The following DPY19L1 variants were observed in gnomAD, a reference collection of about 807,000 sequenced individuals.
DPY19L1 encodes the protein dpy-19 like C-mannosyltransferase 1.
In DPY19L1, 35 loss-of-function variants were observed where a neutral mutation model predicts 96.9. That is an observed-to-expected ratio of 0.36 (90% confidence interval 0.28 to 0.48). The LOEUF (loss-of-function observed/expected upper bound fraction) is 0.48, where lower values mean the gene tolerates loss of function less well. DPY19L1 is among the 20% of genes least tolerant of loss of function. The pLI is 0.99. For missense variants in DPY19L1, 521 were observed against 777.9 expected, an observed-to-expected ratio of 0.67 and a Z score of 3.93; for synonymous variants, 205 against 252.6, an observed-to-expected ratio of 0.81 and a Z score of 1.79.
chr7:35,037,788 C>A, upstream of DPY19L1: 1 of 1,201,760 alleles, frequency 8.3e-7, no homozygotes, highest in Non-Finnish European at 1.0e-6. Flanking sequence ...CAGGCGGGGC[C>A]CGACCCCTCT....
intron 6 of DPY19L1, among the ~76,000 whole-genome samples, chr7:35,003,483 G>C (rs1584249486): frequency 3.9e-5 from 6 of 152,342 alleles, no homozygotes; most frequent in African/African-American, 1.4e-4. Flanking sequence ...GCTGGCATCA[G>C]TTAAAGACAC....
intron 21 of DPY19L1, among the ~76,000 whole-genome samples, chr7:34,935,152 T>G (rs1783840998): frequency 6.6e-6 from 1 of 152,290 alleles, no homozygotes; most frequent in South Asian, 2.1e-4. Context: ...GTTACAACAC[T>G]GAGGGCCCAC....
chr7:35,037,810 A>G (rs1455027853), upstream of DPY19L1: 3 of 1,223,514 alleles, frequency 2.5e-6, no homozygotes, highest in Non-Finnish European at 3.1e-6. Context: ...GCGCCCGGCT[A>G]CCCACACCTC....
At position 34,955,182 on chromosome 7, in the gene DPY19L1, C is replaced by T. The variant is rs559173156; in HGVS notation, c.1239+126G>A. 1.0e-5 allele frequency: 12 copies of T among 1,180,170 alleles called. No individual in the cohort carries two copies. In the East Asian group the frequency reaches 2.6e-4, roughly 25 times the overall value. 73.1% of individuals were successfully genotyped at this position (1,180,170 alleles called of 1,614,324 possible). On this transcript the variant is annotated intron_variant, in intron 12 of 21. Transcript: ENST00000638088. ...CAATTTGGTACATTAAAACTGAGCCCTAAAATACTATAAAACTGTTGGATC... is the reference window on the plus strand; with the variant it reads ...CAATTTGGTACATTAAAACTGAGCCTTAAAATACTATAAAACTGTTGGATC...
intron 4 of DPY19L1, 31 bp from the exon 5 acceptor site, chr7:35,011,481 A>G (rs763928070): frequency 2.6e-6 from 4 of 1,558,320 alleles, no homozygotes; most frequent in Non-Finnish European, 1.7e-6. Context: ...GCATCTTAAG[A>G]AAATATACTA....
At position 34,962,727 on chromosome 7, in the gene DPY19L1, C is replaced by T. The variant is rs149952434; in HGVS notation, c.1092+4167G>A. Among the ~76,000 whole-genome samples, 892 of 151,876 alleles carry T rather than the reference C, an allele frequency of 5.9e-3. 10 individuals are homozygous for T. Among genetic ancestry groups the T allele is most frequent in the African/African-American group, 0.02 (830 of 41,438 alleles). ...AACAAAACAAAACACAACAACCACCCGTAGAAAAGTGAGGCCTAACGTAAA... is the reference window on the plus strand; with the variant it reads ...AACAAAACAAAACACAACAACCACCTGTAGAAAAGTGAGGCCTAACGTAAA... On this transcript the variant is annotated intron_variant, in intron 10 of 21. Transcript: ENST00000638088.
intron 7 of DPY19L1, among the ~76,000 whole-genome samples, chr7:34,980,701 T>A (rs1784921930): frequency 6.6e-6 from 1 of 152,162 alleles, no homozygotes; most frequent in African/African-American, 2.4e-5. Flanking sequence ...TCAATATCAT[T>A]ACTCATCAGG....
intron 1 of DPY19L1, among the ~76,000 whole-genome samples, chr7:35,030,113 G>T (rs181183598): frequency 6.6e-6 from 1 of 152,036 alleles, no homozygotes; most frequent in Non-Finnish European, 1.5e-5. Context: ...TAAACTTAGC[G>T]GAAAACAATT....
intron 6 of DPY19L1, among the ~76,000 whole-genome samples, chr7:34,996,346 T>C (rs543103295): frequency 4.6e-5 from 7 of 152,160 alleles, no homozygotes; most frequent in African/African-American, 1.4e-4. Flanking sequence ...AACACCACAC[T>C]CCTCAACTCC....
chr7:34,972,528 T>C (rs1200148032), intron 8 of DPY19L1, among the ~76,000 whole-genome samples: 4 of 152,022 alleles, frequency 2.6e-5, no homozygotes, highest in African/African-American at 4.8e-5. Context: ...GTCTGCACTA[T>C]ACTGGAGAAA....
At chr7:34,959,720 G>C (rs985440721) in intron 10 of DPY19L1, among the ~76,000 whole-genome samples, 1 of 151,284 alleles carries the variant, frequency 6.6e-6, no homozygotes, top group African/African-American at 2.4e-5. Context: ...GTTGGGGGCT[G>C]GGGGGCTAGG....
intron 20 of DPY19L1, among the ~76,000 whole-genome samples, chr7:34,938,689 T>A (rs1783925719): frequency 6.6e-6 from 1 of 152,068 alleles, no homozygotes; most frequent in Non-Finnish European, 1.5e-5. Context: ...ATTCACCTAA[T>A]CACTTAGAAA....
chr7:35,025,637 T>TAG (rs1165745667), intron 1 of DPY19L1, among the ~76,000 whole-genome samples: 1 of 152,162 alleles, frequency 6.6e-6, no homozygotes, highest in African/African-American at 2.4e-5. Flanking sequence ...TCCCACCACT[T>TAG]ATACTGATGA....
At chr7:35,033,488 T>C (rs548741359) in intron 1 of DPY19L1, among the ~76,000 whole-genome samples, 24 of 152,346 alleles carry the variant, frequency 1.6e-4, no homozygotes, top group African/African-American at 5.1e-4. Context: ...TGACTATGAA[T>C]GAACTTACTG....
intron 14 of DPY19L1, among the ~76,000 whole-genome samples, chr7:34,948,421 C>T (rs1377777948): frequency 6.6e-6 from 1 of 152,140 alleles, no homozygotes; most frequent in African/African-American, 2.4e-5. Flanking sequence ...CTCTTCTCCA[C>T]TGTATAGGTG....
At chr7:35,037,635 C>T, upstream of DPY19L1, 1 of 223,560 alleles carries the variant, frequency 4.5e-6, no homozygotes, top group Non-Finnish European at 8.1e-6. Flanking sequence ...CCGTTGCCGC[C>T]GCTCCGGTTG....
intron 11 of DPY19L1, among the ~76,000 whole-genome samples, chr7:34,956,768 G>C (rs1324505540): frequency 6.6e-6 from 1 of 152,138 alleles, no homozygotes; most frequent in Admixed American, 6.5e-5. Context: ...CTCCCAAAGT[G>C]CTGGGATTAG....
At chr7:34,947,948 A>T (rs1784186112) in intron 14 of DPY19L1, among the ~76,000 whole-genome samples, 1 of 152,190 alleles carries the variant, frequency 6.6e-6, no homozygotes, top group Admixed American at 6.5e-5. Flanking sequence ...TGAAGAGATT[A>T]CTGCTCACTT....
chr7:35,032,963 T>C (rs1786296924), intron 1 of DPY19L1, among the ~76,000 whole-genome samples: 1 of 152,188 alleles, frequency 6.6e-6, no homozygotes, highest in South Asian at 2.1e-4. Flanking sequence ...AGCCTCCTCA[T>C]GGGTCTCTCC....
Sources: gnomAD v4.1 joint callset for allele counts (sites outside exome capture counted in the v4.1 genomes callset) on GRCh38, gnomAD v4.1.1 for gene constraint, MANE v1.5 for transcripts, NCBI Gene and HGNC (gene_info 2026-07-23, HGNC 2026-07-21) for gene names.